PCNX4: variants seen among roughly 807,000 people sequenced by gnomAD.
The protein encoded by PCNX4 is pecanex-like protein 4.
In PCNX4, 103 loss-of-function variants were observed where a neutral mutation model predicts 107.2. The ratio of observed to expected loss-of-function variants is 0.96; its 90% CI spans 0.82 to 1.13. PCNX4 has a LOEUF of 1.13. Among genes scored for constraint, PCNX4 ranks in the 50% most tolerant of loss-of-function variants. PCNX4 has a pLI of 0.00. For synonymous variants in PCNX4, 541 were observed against 481.7 expected, an observed-to-expected ratio of 1.12 and a Z score of -1.61; for missense variants, 1,528 against 1,379.4, an observed-to-expected ratio of 1.11 and a Z score of -1.71.
At chr14:60,115,622 A>G (rs774074760) in intron 4 of PCNX4, 97 bp from the exon 5 acceptor site, 3 of 1,352,408 alleles carry the variant, frequency 2.2e-6, no homozygotes, top group African/African-American at 2.9e-5. Context: ...TTCATCGCTT[A>G]AATGTGCTCA....
At position 60,140,955 on chromosome 14, in the gene PCNX4, T is replaced by C. The variant is rs1229877744; in HGVS notation, c.*6734T>C. The C allele has an allele frequency of 6.6e-6, 1 of 152,156 alleles. No homozygotes were observed. Among genetic ancestry groups the C allele is most frequent in the Non-Finnish European group, 1.5e-5 (1 of 68,028 alleles). 9.4% of individuals were successfully genotyped at this position (152,156 alleles called of 1,614,324 possible). ...CCAGAGCAACCTGATAAGAAACTCA[T>C]GGGATTTTGGCTATGTAAGTGGCCA... On this transcript the variant is annotated 3_prime_UTR_variant, in exon 11 of 11. Coordinates refer to ENST00000406854, the MANE Select transcript of PCNX4 (RefSeq NM_001330177.2). The surrounding 1 kb of genome is among the most constrained non-coding windows in gnomAD (Gnocchi z 4.2).
intron 9 of PCNX4, 31 bp downstream of exon 9, chr14:60,125,282 A>G: frequency 6.8e-7 from 1 of 1,464,118 alleles, no homozygotes; most frequent in Non-Finnish European, 9.0e-7. Context: ...GTAAGTTATA[A>G]CATTGTTGGA....
intron 1 of PCNX4, among the ~76,000 whole-genome samples, chr14:60,105,386 TGA>T (rs1363864716): frequency 6.6e-6 from 1 of 152,210 alleles, no homozygotes. Flanking sequence ...TTACAGGGTG[TGA>T]GGTTGACAGT....
At chr14:60,121,407 T>C in intron 8 of PCNX4, 108 bp downstream of exon 8, 4 of 1,197,564 alleles carry the variant, frequency 3.3e-6, no homozygotes, top group African/African-American at 1.5e-5. Context: ...ATCTTTTCAA[T>C]TACCTGTGAA....
At chr14:60,103,431 A>C (rs574841473) in intron 1 of PCNX4, among the ~76,000 whole-genome samples, 1 of 152,248 alleles carries the variant, frequency 6.6e-6, no homozygotes, top group African/African-American at 2.4e-5. Context: ...AGTATAGTCT[A>C]TAATTTTTCA....
rs2140560899 is a variant in PCNX4, at chr14:60,124,599, A to G, written c.2428A>G (p.Ile810Val). ...TLPPPKSPEDIDSLNSETFND... is the reference protein window; with the variant it reads ...TLPPPKSPEDVDSLNSETFND... ...GCCACCTCCCAAATCCCCAGAAGAC[A>G]TAGACAGTTTAAATTCAGAAACTTT... Residue 810 changes from isoleucine (I) to valine (V), a missense_variant, in exon 9 of 11, where the codon ATA (isoleucine) becomes GTA (valine). Ile to Val is a conservative substitution (Grantham distance 29). Coordinates refer to ENST00000406854, the MANE Select transcript of PCNX4 (RefSeq NM_001330177.2). 6.2e-7 allele frequency: 1 copy of G among 1,613,870 alleles called. No homozygotes were observed. The highest frequency in any genetic ancestry group is 2.2e-5 in the East Asian group (1 of 44,876).
At position 60,123,534 on chromosome 14, in the gene PCNX4, T is replaced by C. The variant is rs2140559676; in HGVS notation, c.2047-684T>C. Among the ~76,000 whole-genome samples, 3 of 152,142 alleles carry C rather than the reference T, an allele frequency of 2.0e-5. No homozygotes were observed. The South Asian group carries it at 6.2e-4, about 32-fold the overall frequency. On this transcript the variant is annotated intron_variant, in intron 8 of 10. Transcript: ENST00000406854. The stretch of plus-strand genomic sequence containing the variant: ...TTTAAATAAGCAGTAGCAATTATAA[T>C]AGTAAATAGTGACCTGATACCTCCT...
At chr14:60,119,057 A>G (rs1566515214) in intron 7 of PCNX4, among the ~76,000 whole-genome samples, 1 of 152,218 alleles carries the variant, frequency 6.6e-6, no homozygotes, top group Non-Finnish European at 1.5e-5. Context: ...GCAGTAGCAT[A>G]CGTTCATAAA....
rs80174410 is a variant in PCNX4 at position 60,140,350 on chromosome 14, A to G, written c.*6129A>G. 2.6e-5 allele frequency: 4 copies of G among 152,204 alleles called. No homozygotes were observed. Among genetic ancestry groups the G allele is most frequent in the East Asian group, 1.9e-4 (1 of 5,202 alleles). 9.4% of individuals were successfully genotyped at this position (152,204 alleles called of 1,614,324 possible). Reference sequence around the variant, plus strand: ...CCTATCTGCTAAAGAAGTGGAACCTATAGTTACTTTATTTGCTTTTCCATA... The same window carrying G: ...CCTATCTGCTAAAGAAGTGGAACCTGTAGTTACTTTATTTGCTTTTCCATA... On this transcript the variant is annotated 3_prime_UTR_variant, in exon 11 of 11. Transcript: ENST00000406854. This position sits in a 1 kb window ranked among gnomAD's most constrained non-coding sequence, Gnocchi z 4.2.
chr14:60,133,962 C>G lies in PCNX4; in HGVS notation c.3268-8C>G. The G allele has an allele frequency of 1.9e-6, 3 of 1,607,384 alleles. No individual in the cohort carries two copies. The highest frequency in any genetic ancestry group is 1.1e-5 in the South Asian group (1 of 90,422). On this transcript the variant is annotated splice_polypyrimidine_tract_variant and splice_region_variant and intron_variant, in intron 10 of 10. Coordinates refer to ENST00000406854, the MANE Select transcript of PCNX4 (RefSeq NM_001330177.2). Reference sequence around the variant, plus strand: ...TTTTCTCCTCCTCCTACCCTTTTTACTTTAAAGGGAATTTACACTGGGAGA... The same window carrying G: ...TTTTCTCCTCCTCCTACCCTTTTTAGTTTAAAGGGAATTTACACTGGGAGA...
intron 10 of PCNX4, among the ~76,000 whole-genome samples, chr14:60,128,048 T>G (rs1896087445): frequency 6.6e-6 from 1 of 151,524 alleles, no homozygotes; most frequent in Admixed American, 6.6e-5. Flanking sequence ...GATTATGCAA[T>G]CCAAAGAAGA....
At chr14:60,119,548 AT>A (rs1241438502) in intron 7 of PCNX4, among the ~76,000 whole-genome samples, 2 of 152,202 alleles carry the variant, frequency 1.3e-5, no homozygotes, top group Admixed American at 1.3e-4. Flanking sequence ...TGAGAAAAAA[AT>A]ATTTTATCTT....
intron 1 of PCNX4, among the ~76,000 whole-genome samples, chr14:60,106,992 T>A (rs1895641832): frequency 6.6e-6 from 1 of 152,212 alleles, no homozygotes; most frequent in South Asian, 2.1e-4. Context: ...GTATTGGCAT[T>A]TTGAACGTTC....
intron 1 of PCNX4, among the ~76,000 whole-genome samples, chr14:60,098,090 T>C (rs219306): frequency 0.74 from 112,434 of 152,036 alleles, 44,017 homozygotes; most frequent in Non-Finnish European, 0.87. Flanking sequence ...AAGGTCAGCA[T>C]GAACATAAAT....
At position 60,138,932 on chromosome 14, in the gene PCNX4, T is replaced by TA. The variant is rs1896272934; in HGVS notation, c.*4714dup. 2.0e-5 allele frequency: 3 copies of TA among 152,148 alleles called. No homozygotes were observed. The highest frequency in any genetic ancestry group is 6.5e-5 in the Admixed American group (1 of 15,272). 9.4% of individuals were successfully genotyped at this position (152,148 alleles called of 1,614,324 possible). On this transcript the variant is annotated 3_prime_UTR_variant, in exon 11 of 11. Coordinates refer to ENST00000406854, the MANE Select transcript of PCNX4 (RefSeq NM_001330177.2). ...AGGTCAGAATTATCAGAAAGAAGAT[T>TA]AAAGTATAAATAAGACTGCTGTGTC...
chr14:60,124,787 A>C lies in PCNX4; in HGVS notation c.2616A>C (p.Glu872Asp). ...VGDHSTGTVP[E>D]NDLYKAVLLG... is the part of the protein sequence containing the mutation. ...ATCATTCTACAGGCACTGTTCCTGA[A>C]AACGATCTTTACAAAGCAGTTCTAT... The change falls in exon 9 of 11, where the codon GAA becomes GAC. Residue 872 changes from glutamate (E) to aspartate (D), a missense_variant. Physicochemically the swap from Glu to Asp is conservative, Grantham distance 45. Transcript: ENST00000406854. 6.2e-7 allele frequency: 1 copy of C among 1,613,532 alleles called. No homozygotes were observed. Among genetic ancestry groups the C allele is most frequent in the Non-Finnish European group, 8.5e-7 (1 of 1,179,800 alleles).
rs769048319 is a variant in PCNX4 at position 60,142,823 on chromosome 14, G to C, written c.*8602G>C. On this transcript the variant is annotated 3_prime_UTR_variant, in exon 11 of 11. Transcript: ENST00000406854. This position sits in a 1 kb window ranked among gnomAD's most constrained non-coding sequence, Gnocchi z 4.7. ...TACTAAAAATACAAAACTTAGCCGG[G>C]CATGGTGGTGCACACCTGTAGTCCC... is the stretch of plus-strand genomic sequence containing the variant. The C allele has an allele frequency of 6.6e-6, 1 of 152,232 alleles. No homozygotes were observed. Among genetic ancestry groups the C allele is most frequent in the Non-Finnish European group, 1.5e-5 (1 of 68,142 alleles). 9.4% of individuals were successfully genotyped at this position (152,232 alleles called of 1,614,324 possible).
At chr14:60,127,214 G>T (rs1896071035) in intron 10 of PCNX4, among the ~76,000 whole-genome samples, 1 of 152,200 alleles carries the variant, frequency 6.6e-6, no homozygotes, top group African/African-American at 2.4e-5. Flanking sequence ...TAGGAGACTG[G>T]TAGGTTCATT....
In PCNX4 at chr14:60,124,458, GT is replaced by G. The variant is rs753308362; in HGVS notation, c.2288del (p.Val763AspfsTer16). ...AGAATTTAAAGGTGACCTCATTAAA[GT>G]ACTTGTGTGGATACTTGTTCAATAC... ...LKEFKGDLIK[V>X]LVWILVQYCS... On this transcript the variant is annotated frameshift_variant, in exon 9 of 11. Coordinates refer to ENST00000406854, the MANE Select transcript of PCNX4 (RefSeq NM_001330177.2). LOFTEE classifies it high-confidence loss of function. 50 of 1,613,584 alleles carry G rather than the reference GT, an allele frequency of 3.1e-5. No homozygotes were observed. The highest frequency in any genetic ancestry group is 3.7e-5 in the Non-Finnish European group (44 of 1,179,720).
Sources: gnomAD v4.1 joint callset for allele counts (sites outside exome capture counted in the v4.1 genomes callset) on GRCh38, gnomAD v4.1.1 for gene constraint, Gnocchi (gnomAD v3.1) non-coding constraint, MANE v1.5 for transcripts, NCBI Gene and HGNC (gene_info 2026-07-23, HGNC 2026-07-21) for gene names.